KMT2A: variants seen among roughly 807,000 people sequenced by gnomAD.
KMT2A encodes the protein lysine methyltransferase 2A, also known as histone-lysine N-methyltransferase 2A.
In KMT2A, 16 loss-of-function variants were observed where a neutral mutation model predicts 345.3. That is an observed-to-expected ratio of 0.05 (90% CI 0.03 to 0.07). The LOEUF (loss-of-function observed/expected upper bound fraction) is 0.07. Ranked by LOEUF, KMT2A falls within the 10% of genes least tolerant of loss-of-function variation. The pLI is 1.00. For synonymous variants in KMT2A, 1,599 were observed against 1,778.6 expected (o/e 0.90, Z 2.54); for missense variants, 3,272 against 4,841.6 (o/e 0.68, Z 9.62).
At chr11:118,518,924 A>G (rs1950889662) in intron 31 of KMT2A, among the ~76,000 whole-genome samples, 1 of 149,232 alleles carries the variant, frequency 6.7e-6, no homozygotes, top group Non-Finnish European at 1.5e-5. Flanking sequence ...AAAAATACGA[A>G]AAAAATTAGC....
chr11:118,492,326 A>G (rs1377376373), intron 15 of KMT2A, among the ~76,000 whole-genome samples: 1 of 152,254 alleles, frequency 6.6e-6, no homozygotes, highest in Non-Finnish European at 1.5e-5. Flanking sequence ...AATCAACTGG[A>G]AAAACACTTT....
chr11:118,482,131 G>T (rs781828974), intron 7 of KMT2A, 39 bp downstream of exon 7: 7 of 1,552,884 alleles, frequency 4.5e-6, no homozygotes, highest in Non-Finnish European at 6.1e-6. Context: ...TGAACCACAA[G>T]TACTAACAAA....
At position 118,494,940 on chromosome 11, in the gene KMT2A, C is replaced by T. The variant is rs752843399; in HGVS notation, c.5363+173C>T. ...TTTAATGTTTGTTATAAGCAATTGC[C>T]TTTTTGTTCTTTACTTTTATATTTG... On this transcript the variant is annotated intron_variant, in intron 18 of 35. Coordinates refer to ENST00000534358, the MANE Select transcript of KMT2A (RefSeq NM_001197104.2). This position sits in a 1 kb window ranked among gnomAD's most constrained non-coding sequence, Gnocchi z 5.8. Among the ~76,000 whole-genome samples the T allele has an allele frequency of 1.4e-4, 22 of 151,936 alleles. No individual in the cohort carries two copies. The highest frequency in any genetic ancestry group is 2.8e-4 in the Non-Finnish European group (19 of 67,970).
At chr11:118,462,205 C>A (rs1555032877) in intron 1 of KMT2A, among the ~76,000 whole-genome samples, 1 of 152,148 alleles carries the variant, frequency 6.6e-6, no homozygotes, top group African/African-American at 2.4e-5. Context: ...CCACCCATCT[C>A]TACCTTCCAA....
chr11:118,525,792 T>G lies in KMT2A; in HGVS notation c.*3620T>G. 1 of 224,914 alleles carries G rather than the reference T, an allele frequency of 4.4e-6. No homozygotes were observed. Among genetic ancestry groups the G allele is most frequent in the East Asian group, 6.5e-5 (1 of 15,446 alleles). 13.9% of individuals were successfully genotyped at this position (224,914 alleles called of 1,614,324 possible). A position where few individuals can be genotyped will look rare whatever the true frequency, so the allele number is the denominator to read the frequency against. On this transcript the variant is annotated 3_prime_UTR_variant, in exon 36 of 36. Transcript: ENST00000534358. ...TTTTTTTTTTTAATAGAAATCAAGT[T>G]GTTTTTGTTTTTAAGGAAAAGCGGG...
intron 1 of KMT2A, among the ~76,000 whole-genome samples, chr11:118,462,752 CAG>C (rs1949769676): frequency 6.6e-6 from 1 of 152,058 alleles, no homozygotes; most frequent in Non-Finnish European, 1.5e-5. Context: ...TTAGTAGAGA[CAG>C]GGTTTCACCG....
At chr11:118,488,159 G>A (rs1353983508) in intron 10 of KMT2A, among the ~76,000 whole-genome samples, 1 of 152,066 alleles carries the variant, frequency 6.6e-6, no homozygotes, top group Admixed American at 6.5e-5. Flanking sequence ...CAGCCTGGGC[G>A]ACAGCGAGAC....
In KMT2A at chr11:118,436,649, T is replaced by C. The variant is rs2134152933; in HGVS notation, c.137T>C (p.Val46Ala). The change falls in exon 1 of 36, where the codon GTC becomes GCC. Residue 46 changes from valine (V) to alanine (A), a missense_variant. Val to Ala is a moderately conservative substitution (Grantham distance 64). Coordinates refer to ENST00000534358, the MANE Select transcript of KMT2A (RefSeq NM_001197104.2). The surrounding 1 kb of genome is among the most constrained non-coding windows in gnomAD (Gnocchi z 6.9). Reference sequence around the variant, plus strand: ...CTGCTGCTTCCCCCCGGGCCCCCGGTCGGCGGTGGCGGCCCCGGGGCGCCC... The same window carrying C: ...CTGCTGCTTCCCCCCGGGCCCCCGGCCGGCGGTGGCGGCCCCGGGGCGCCC... ...PALLLPPGPP[V>A]GGGGPGAPPS... The C allele has an allele frequency of 8.9e-7, 1 of 1,119,582 alleles. No homozygotes were observed. Among genetic ancestry groups the C allele is most frequent in the Non-Finnish European group, 1.1e-6 (1 of 905,156 alleles). The allele number at this position is 1,119,582 out of a possible 1,614,324, so 69.4% of individuals were successfully genotyped here.
chr11:118,476,116 G>C lies in KMT2A; in HGVS notation c.3157-689G>C, dbSNP rs1336673843. The stretch of plus-strand genomic sequence containing the variant: ...GACAGGGTTTCTCCATGTTGGTCAG[G>C]CTGGTCTCAAACTCCCGACCTCAGG... On this transcript the variant is annotated intron_variant, in intron 3 of 35. Transcript: ENST00000534358. This position sits in a 1 kb window ranked among gnomAD's most constrained non-coding sequence, Gnocchi z 4.1. Among the ~76,000 whole-genome samples the C allele has an allele frequency of 5.9e-5, 9 of 151,890 alleles. No homozygotes were observed. The highest frequency in any genetic ancestry group is 2.2e-4 in the African/African-American group (9 of 41,360).
chr11:118,468,029 T>C (rs1949877824), intron 1 of KMT2A, among the ~76,000 whole-genome samples: 1 of 152,040 alleles, frequency 6.6e-6, no homozygotes, highest in Non-Finnish European at 1.5e-5. Flanking sequence ...ATAGAGCAGG[T>C]TAAAATTAGA....
At chr11:118,451,922 A>G (rs1949547738) in intron 1 of KMT2A, among the ~76,000 whole-genome samples, 2 of 152,164 alleles carry the variant, frequency 1.3e-5, no homozygotes, top group South Asian at 4.1e-4. Flanking sequence ...TGTTAACAGA[A>G]TTGTCCTTGG....
chr11:118,465,453 C>T (rs1252407852), intron 1 of KMT2A, among the ~76,000 whole-genome samples: 1 of 152,142 alleles, frequency 6.6e-6, no homozygotes, highest in Non-Finnish European at 1.5e-5. Flanking sequence ...ATTCCATTTT[C>T]CATGAACCTT....
intron 31 of KMT2A, among the ~76,000 whole-genome samples, chr11:118,515,310 TGCTC>T (rs1950787727): frequency 6.6e-6 from 1 of 152,250 alleles, no homozygotes; most frequent in Non-Finnish European, 1.5e-5. Context: ...TTTAAGACTT[TGCTC>T]AAGGTCACCT....
In KMT2A at chr11:118,494,421, G is replaced by GAATTAGTAATA; in HGVS notation, c.5289+23_5289+24insAATTAGTAATA. On this transcript the variant is annotated intron_variant, in intron 17 of 35. Transcript: ENST00000534358. The surrounding 1 kb of genome is among the most constrained non-coding windows in gnomAD (Gnocchi z 5.8). The stretch of plus-strand genomic sequence containing the variant: ...CGGGTGAATGATATTACTAATTCAT[G>GAATTAGTAATA]TTTTTAATGCTTACCTATAAGTAAT... The GAATTAGTAATA allele has an allele frequency of 8.2e-7, 1 of 1,225,576 alleles. No individual in the cohort carries two copies. The highest frequency in any genetic ancestry group is 1.2e-6 in the Non-Finnish European group (1 of 828,854). The allele number at this position is 1,225,576 out of a possible 1,614,324, so 75.9% of individuals were successfully genotyped here. A position where few individuals can be genotyped will look rare whatever the true frequency, so the allele number is the denominator to read the frequency against.
chr11:118,487,947 G>A (rs1258666249), intron 10 of KMT2A, among the ~76,000 whole-genome samples: 1 of 152,202 alleles, frequency 6.6e-6, no homozygotes, highest in Non-Finnish European at 1.5e-5. Flanking sequence ...TTGGGAGGCC[G>A]AGGCAGGCAG....
At chr11:118,506,909 GTTTC>G (rs1950595168) in intron 27 of KMT2A, among the ~76,000 whole-genome samples, 4 of 152,084 alleles carry the variant, frequency 2.6e-5, no homozygotes, top group African/African-American at 9.7e-5. Context: ...GTTTGTTCCT[GTTTC>G]TTTTTTACTG....
chr11:118,437,815 C>A (rs1333330893), intron 1 of KMT2A, among the ~76,000 whole-genome samples: 1 of 152,122 alleles, frequency 6.6e-6, no homozygotes, highest in Non-Finnish European at 1.5e-5. Flanking sequence ...CCACTGTCCC[C>A]TAGGCTTAGA....
At chr11:118,506,708 T>G in intron 27 of KMT2A, 62 bp downstream of exon 27, 1 of 1,478,164 alleles carries the variant, frequency 6.8e-7, no homozygotes, top group Admixed American at 2.1e-5. Context: ...AATTAGGGGC[T>G]GTTGATGTGG....
Position 118,525,643 on chromosome 11 carries a change from C to A in KMT2A, c.*3471C>A. On this transcript the variant is annotated 3_prime_UTR_variant, in exon 36 of 36. Transcript: ENST00000534358. ...AAAGGAAAAAAAAATACAACACACA[C>A]ACAAAAATAAAAAAAATATTCTAAT... 4.4e-6 allele frequency: 1 copy of A among 227,194 alleles called. No individual in the cohort carries two copies. Among genetic ancestry groups the A allele is most frequent in the South Asian group, 1.9e-4 (1 of 5,374 alleles). 14.1% of individuals were successfully genotyped at this position (227,194 alleles called of 1,614,324 possible).
Sources: allele counts gnomAD v4.1 joint callset (sites outside exome capture counted in the v4.1 genomes callset), GRCh38; gene constraint gnomAD v4.1.1; non-coding constraint Gnocchi (gnomAD v3.1); transcripts MANE v1.5; gene names NCBI Gene and HGNC (gene_info 2026-07-23, HGNC 2026-07-21).